The following ATP8A2 variants were observed in gnomAD, a reference collection of about 807,000 sequenced individuals.
The protein encoded by ATP8A2 is phospholipid-transporting ATPase IB.
A neutral mutation model predicts 165.6 loss-of-function variants in ATP8A2; 100 were observed. That is an observed-to-expected ratio of 0.60 (90% CI 0.51 to 0.71). The LOEUF is 0.71. ATP8A2 is among the 30% of genes least tolerant of loss of function. ATP8A2 has a pLI of 0.00. For missense variants in ATP8A2, 1,227 were observed against 1,479.5 expected (o/e 0.83, Z 2.80); for synonymous variants, 543 against 548.8 (o/e 0.99, Z 0.15).
intron 27 of ATP8A2, among the ~76,000 whole-genome samples, chr13:25,826,608 A>G (rs578060155): frequency 2.0e-5 from 3 of 152,268 alleles, no homozygotes; most frequent in African/African-American, 4.8e-5. Context: ...TCTGGTTGTC[A>G]TGGTGTCTGT....
At chr13:25,930,983 C>T (rs1954756750) in intron 33 of ATP8A2, among the ~76,000 whole-genome samples, 1 of 152,330 alleles carries the variant, frequency 6.6e-6, no homozygotes, top group Middle Eastern at 3.4e-3. Context: ...CCCACTTTGA[C>T]AAGACCAGTT....
chr13:25,932,271 A>G (rs1055566111), intron 33 of ATP8A2, among the ~76,000 whole-genome samples: 1 of 152,112 alleles, frequency 6.6e-6, no homozygotes, highest in Non-Finnish European at 1.5e-5. Context: ...AGAAAACAGC[A>G]CCTACCTCCA....
chr13:25,850,621 T>G (rs1264552127), intron 30 of ATP8A2, among the ~76,000 whole-genome samples: 2 of 152,166 alleles, frequency 1.3e-5, no homozygotes, highest in Non-Finnish European at 2.9e-5. Flanking sequence ...TTTGTCCCCC[T>G]TTGAAAAAAT....
At chr13:25,414,551 A>C (rs747587369) in intron 1 of ATP8A2, among the ~76,000 whole-genome samples, 1 of 152,138 alleles carries the variant, frequency 6.6e-6, no homozygotes. Context: ...AAATGTAATA[A>C]ATTTTAGGAG....
At chr13:25,719,549 T>C (rs1030932290) in intron 25 of ATP8A2, among the ~76,000 whole-genome samples, 3 of 152,066 alleles carry the variant, frequency 2.0e-5, no homozygotes, top group Non-Finnish European at 4.4e-5. Flanking sequence ...CCCAGAACAT[T>C]TGTTACTCAC....
intron 24 of ATP8A2, among the ~76,000 whole-genome samples, chr13:25,637,654 C>T (rs568118651): frequency 6.6e-6 from 1 of 152,290 alleles, no homozygotes; most frequent in Admixed American, 6.5e-5. Context: ...GGAGGCCTGG[C>T]TGCCTCTGTA....
At chr13:26,017,238 C>T (rs1317277454) in intron 36 of ATP8A2, among the ~76,000 whole-genome samples, 1 of 152,190 alleles carries the variant, frequency 6.6e-6, no homozygotes, top group East Asian at 1.9e-4. Flanking sequence ...GCTGTGGAGC[C>T]AGTGACGACC....
chr13:25,550,236 C>T (rs2038778712), intron 10 of ATP8A2, among the ~76,000 whole-genome samples: 1 of 152,016 alleles, frequency 6.6e-6, no homozygotes, highest in African/African-American at 2.4e-5. Context: ...ACCCAGGAGG[C>T]GGAGGTTGCA....
At chr13:25,741,086 A>G (rs1476787398) in intron 25 of ATP8A2, among the ~76,000 whole-genome samples, 1 of 152,210 alleles carries the variant, frequency 6.6e-6, no homozygotes, top group Non-Finnish European at 1.5e-5. Context: ...GAAAATAAGT[A>G]TTTTTCAGAA....
intron 6 of ATP8A2, among the ~76,000 whole-genome samples, chr13:25,535,089 A>G (rs2038233959): frequency 6.6e-6 from 1 of 152,158 alleles, no homozygotes; most frequent in Admixed American, 6.5e-5. Flanking sequence ...GGTTCAGATC[A>G]GGAAAGTCTG....
chr13:25,737,833 G>A (rs1266745151), intron 25 of ATP8A2, among the ~76,000 whole-genome samples: 1 of 152,012 alleles, frequency 6.6e-6, no homozygotes, highest in Non-Finnish European at 1.5e-5. Flanking sequence ...CAGGCGCCTG[G>A]CCACCATGCC....
At chr13:25,400,475 T>C (rs982887449) in intron 1 of ATP8A2, among the ~76,000 whole-genome samples, 18 of 152,252 alleles carry the variant, frequency 1.2e-4, no homozygotes, top group African/African-American at 3.6e-4. Flanking sequence ...GCATTTGGGT[T>C]CTTCAACACC....
At chr13:25,947,604 G>A (rs1955246284) in intron 33 of ATP8A2, among the ~76,000 whole-genome samples, 1 of 152,196 alleles carries the variant, frequency 6.6e-6, no homozygotes, top group African/African-American at 2.4e-5. Context: ...AGAAGATAAA[G>A]ATAAACATGT....
intron 23 of ATP8A2, among the ~76,000 whole-genome samples, chr13:25,584,725 C>G (rs920251708): frequency 6.6e-6 from 1 of 152,100 alleles, no homozygotes; most frequent in African/African-American, 2.4e-5. Context: ...ATTCACATAG[C>G]TTTTGCAAAA....
Position 25,953,477 on chromosome 13 carries a change from G to T in ATP8A2, c.3184-8098G>T, listed in dbSNP as rs1179818152. 6.7e-6 allele frequency among the ~76,000 whole-genome samples: 1 copy of T among 150,084 alleles called. No individual in the cohort carries two copies. Among genetic ancestry groups the T allele is most frequent in the South Asian group, 2.1e-4 (1 of 4,722 alleles). On this transcript the variant is annotated intron_variant, in intron 33 of 36. Transcript: ENST00000381655. The surrounding 1 kb of genome is among the most constrained non-coding windows in gnomAD (Gnocchi z 6.7). ...TCTTTTCAAATCCACGCCACATTGG[G>T]GAACACAAACTGACCTTATGTAGCC...
At chr13:25,512,506 G>C (rs1460655072) in intron 2 of ATP8A2, among the ~76,000 whole-genome samples, 4 of 151,038 alleles carry the variant, frequency 2.6e-5, no homozygotes, top group Admixed American at 2.0e-4. Context: ...GGCTGGGCGG[G>C]GGGCTGACCT....
At chr13:25,464,070 C>A (rs2035571145) in intron 1 of ATP8A2, among the ~76,000 whole-genome samples, 1 of 152,162 alleles carries the variant, frequency 6.6e-6, no homozygotes, top group African/African-American at 2.4e-5. Context: ...CACTTCCCAC[C>A]CACTTTGGGG....
chr13:25,847,849 G>C (rs1408307167), intron 30 of ATP8A2, among the ~76,000 whole-genome samples: 1 of 151,904 alleles, frequency 6.6e-6, no homozygotes, highest in Non-Finnish European at 1.5e-5. Flanking sequence ...AACCAAGCCC[G>C]AGCCCACACC....
chr13:25,764,736 GT>G (rs1403772089), intron 25 of ATP8A2, among the ~76,000 whole-genome samples: 2 of 152,194 alleles, frequency 1.3e-5, no homozygotes, highest in African/African-American at 4.8e-5. Flanking sequence ...TAATAAAGAT[GT>G]TTTCAAATCC....
Sources: allele counts gnomAD v4.1 joint callset (sites outside exome capture counted in the v4.1 genomes callset), GRCh38; gene constraint gnomAD v4.1.1; non-coding constraint Gnocchi (gnomAD v3.1); transcripts MANE v1.5; gene names NCBI Gene and HGNC (gene_info 2026-07-23, HGNC 2026-07-21).